The following ARHGAP28 variants were observed in gnomAD, a reference collection of about 807,000 sequenced individuals.
The protein encoded by ARHGAP28 is Rho GTPase activating protein 28.
In ARHGAP28, 56 loss-of-function variants were observed where a neutral mutation model predicts 90.7. That is an observed-to-expected ratio of 0.62 (90% CI 0.50 to 0.77). ARHGAP28 has a LOEUF of 0.77. Among genes scored for constraint, ARHGAP28 ranks in the 30% least tolerant of loss-of-function variants. ARHGAP28 has a pLI of 0.00. For missense variants in ARHGAP28, 869 were observed against 900.9 expected (o/e 0.96, Z 0.45); for synonymous variants, 308 against 323.3 (o/e 0.95, Z 0.51).
rs779129100 is a variant in ARHGAP28 at position 6,859,864 on chromosome 18, A to C, written c.693A>C (p.Glu231Asp). Residue 231 changes from glutamate (E) to aspartate (D), a missense_variant, in exon 5 of 18, where the codon GAA (glutamate) becomes GAC (aspartate). Transcript: ENST00000383472. Reference protein sequence around the residue: ...TTLSDASQDKEGSFAVPRSDS... With the variant: ...TTLSDASQDKDGSFAVPRSDS... The stretch of plus-strand genomic sequence containing the variant: ...TGTCTGACGCATCCCAGGATAAAGA[A>C]GGGAGTTTTGCGGTTCCCAGGAGTG... The C allele has an allele frequency of 3.1e-6, 5 of 1,614,240 alleles. No individual in the cohort carries two copies. Among genetic ancestry groups the C allele is most frequent in the South Asian group, 1.1e-5 (1 of 91,090 alleles).
At chr18:6,890,140 A>T in intron 13 of ARHGAP28, 55 bp downstream of exon 13, 1 of 1,591,530 alleles carries the variant, frequency 6.3e-7, no homozygotes. Context: ...CCCAGGAAAC[A>T]TAAAGCCTCC....
rs182211942 is a variant in ARHGAP28 at position 6,817,745 on chromosome 18, A to G, written c.123-7017A>G. Among the ~76,000 whole-genome samples, 16 of 152,288 alleles carry G rather than the reference A, an allele frequency of 1.1e-4. 1 individual carries two copies. The highest frequency in any genetic ancestry group is 1.0e-3 in the Admixed American group (16 of 15,296). ...CTTGTCCACATTCCAAGGAGGGAGA[A>G]TGGGAAAGAGAAAGGGATGGCACCT... On this transcript the variant is annotated intron_variant, in intron 1 of 17. Transcript: ENST00000383472.
chr18:6,731,064 A>G (rs761619184), intron 1 of ARHGAP28, among the ~76,000 whole-genome samples: 54 of 152,236 alleles, frequency 3.5e-4, no homozygotes, highest in Non-Finnish European at 7.5e-4. Context: ...CTAACAAAGA[A>G]AATGTTGTTT....
At chr18:6,877,042 C>G (rs1023429150) in intron 10 of ARHGAP28, among the ~76,000 whole-genome samples, 1 of 152,176 alleles carries the variant, frequency 6.6e-6, no homozygotes, top group Admixed American at 6.5e-5. Context: ...CCTGAGCAAA[C>G]AGTCTCAGGG....
intron 7 of ARHGAP28, among the ~76,000 whole-genome samples, chr18:6,872,523 G>C (rs1227177440): frequency 6.6e-6 from 1 of 152,166 alleles, no homozygotes; most frequent in Non-Finnish European, 1.5e-5. Flanking sequence ...TGAACTTAAA[G>C]CTTTATAATT....
chr18:6,805,528 C>T (rs1316214217), intron 1 of ARHGAP28, among the ~76,000 whole-genome samples: 1 of 144,272 alleles, frequency 6.9e-6, no homozygotes, highest in Non-Finnish European at 1.5e-5. Flanking sequence ...TCTTGTTGCC[C>T]AGGCTGGAGT....
At chr18:6,843,989 G>T (rs1025170859) in intron 3 of ARHGAP28, among the ~76,000 whole-genome samples, 3 of 152,132 alleles carry the variant, frequency 2.0e-5, no homozygotes, top group Non-Finnish European at 4.4e-5. Flanking sequence ...CCTGTTCAGC[G>T]TGAGCAGAAT....
At chr18:6,899,304 A>T (rs1465783505) in intron 16 of ARHGAP28, among the ~76,000 whole-genome samples, 1 of 152,162 alleles carries the variant, frequency 6.6e-6, no homozygotes, top group Non-Finnish European at 1.5e-5. Context: ...AGACTCTGAA[A>T]GGTGGAAAGA....
intron 1 of ARHGAP28, among the ~76,000 whole-genome samples, chr18:6,772,277 G>A (rs185636917): frequency 2.6e-4 from 39 of 152,252 alleles, no homozygotes; most frequent in African/African-American, 8.7e-4. Context: ...TTTCAACTGG[G>A]TGCTCTAACA....
intron 1 of ARHGAP28, among the ~76,000 whole-genome samples, chr18:6,814,107 A>G (rs2056574832): frequency 1.3e-5 from 2 of 152,194 alleles, no homozygotes; most frequent in Non-Finnish European, 2.9e-5. Flanking sequence ...CATATTGTGA[A>G]AGAAGAAGAA....
intron 2 of ARHGAP28, 100 bp downstream of exon 2, chr18:6,825,064 C>A (rs1363079649): frequency 4.7e-6 from 5 of 1,071,394 alleles, no homozygotes; most frequent in Non-Finnish European, 6.5e-6. Context: ...AATAGTTTAA[C>A]CAATGAATCA....
intron 1 of ARHGAP28, among the ~76,000 whole-genome samples, chr18:6,758,520 C>T (rs1019291154): frequency 5.9e-5 from 9 of 152,152 alleles, no homozygotes; most frequent in African/African-American, 2.2e-4. Context: ...GATGGGGTGT[C>T]TCCATGTTAG....
chr18:6,804,939 G>GTATC (rs2056507455), intron 1 of ARHGAP28, among the ~76,000 whole-genome samples: 1 of 152,136 alleles, frequency 6.6e-6, no homozygotes, highest in South Asian at 2.1e-4. Context: ...TACTTATTTA[G>GTATC]TATCTACCTG....
chr18:6,829,075 C>A (rs1335399662), intron 2 of ARHGAP28, among the ~76,000 whole-genome samples: 2 of 152,158 alleles, frequency 1.3e-5, no homozygotes, highest in Non-Finnish European at 2.9e-5. Flanking sequence ...AACGCCCCAC[C>A]ACACATGTAA....
chr18:6,848,117 G>A (rs1407686063), intron 3 of ARHGAP28, among the ~76,000 whole-genome samples: 1 of 152,098 alleles, frequency 6.6e-6, no homozygotes, highest in East Asian at 1.9e-4. Context: ...CATATTGTTT[G>A]CACAAAGAGT....
intron 1 of ARHGAP28, among the ~76,000 whole-genome samples, chr18:6,753,904 T>A (rs1008289129): frequency 6.6e-6 from 1 of 152,226 alleles, no homozygotes; most frequent in Non-Finnish European, 1.5e-5. Context: ...CACAGAGCCA[T>A]GCTAACTTTT....
intron 2 of ARHGAP28, among the ~76,000 whole-genome samples, chr18:6,833,817 C>G (rs2056732929): frequency 6.6e-6 from 1 of 151,930 alleles, no homozygotes. Context: ...TATAAACATC[C>G]CACTCTACAC....
intron 3 of ARHGAP28, among the ~76,000 whole-genome samples, chr18:6,838,297 G>C (rs776258303): frequency 6.6e-6 from 1 of 152,190 alleles, no homozygotes; most frequent in Non-Finnish European, 1.5e-5. Flanking sequence ...TAGGTTTCTT[G>C]TCTGATTAAT....
At chr18:6,735,242 C>G (rs1319013183) in intron 1 of ARHGAP28, among the ~76,000 whole-genome samples, 1 of 152,198 alleles carries the variant, frequency 6.6e-6, no homozygotes, top group Non-Finnish European at 1.5e-5. Context: ...CCAGATTCCC[C>G]AAATGTTAAC....
Sources: allele counts gnomAD v4.1 joint callset (sites outside exome capture counted in the v4.1 genomes callset), GRCh38; gene constraint gnomAD v4.1.1; transcripts MANE v1.5; gene names NCBI Gene and HGNC (gene_info 2026-07-23, HGNC 2026-07-21).